CEP83: variants seen among roughly 807,000 people sequenced by gnomAD.
CEP83 encodes centrosomal protein 83.
CEP83 carries 70 observed loss-of-function variants against 101.9 expected under a neutral mutation model. That is an observed-to-expected ratio of 0.69 (90% CI 0.57 to 0.84). The LOEUF (loss-of-function observed/expected upper bound fraction) is 0.84, where lower values mean the gene tolerates loss of function less well. CEP83 is among the 40% of genes least tolerant of loss of function. The pLI is 0.00. For missense variants in CEP83, 715 were observed against 787.2 expected (o/e 0.91, Z 1.10); for synonymous variants, 264 against 267.9 (o/e 0.99, Z 0.14).
At chr12:94,429,790 C>T (rs2065481396) in intron 2 of CEP83, among the ~76,000 whole-genome samples, 1 of 152,166 alleles carries the variant, frequency 6.6e-6, no homozygotes, top group African/African-American at 2.4e-5. Flanking sequence ...ACCACCAGGA[C>T]TAAAATGTGA....
the CEP83 span, among the ~76,000 whole-genome samples, chr12:94,285,407 C>T: frequency 1.3e-5 from 2 of 152,082 alleles, no homozygotes; most frequent in Admixed American, 1.3e-4. Flanking sequence ...AAAGTGGTTG[C>T]GTTGGGTGAT....
intron 11 of CEP83, among the ~76,000 whole-genome samples, chr12:94,353,901 T>C (rs1016908212): frequency 1.3e-5 from 2 of 151,552 alleles, no homozygotes; most frequent in African/African-American, 4.8e-5. Flanking sequence ...AGGAAGTTCA[T>C]TATATAATGG....
chr12:94,314,933 C>T (rs1970429551), intron 14 of CEP83, among the ~76,000 whole-genome samples: 1 of 152,134 alleles, frequency 6.6e-6, no homozygotes, highest in South Asian at 2.1e-4. Flanking sequence ...TATGTATTGT[C>T]ACAGTACTTC....
the CEP83 span, among the ~76,000 whole-genome samples, chr12:94,293,971 C>T: frequency 2.6e-5 from 4 of 152,094 alleles, no homozygotes; most frequent in African/African-American, 9.7e-5. Flanking sequence ...GCTCCAACCT[C>T]ATGACTTAGT....
At chr12:94,446,396 T>C (rs777771127) in intron 1 of CEP83, among the ~76,000 whole-genome samples, 7 of 152,282 alleles carry the variant, frequency 4.6e-5, no homozygotes, top group East Asian at 3.9e-4. Flanking sequence ...TTAAAGTCAG[T>C]TTCCAAGAAC....
chr12:94,376,598 T>C (rs1379575922), intron 7 of CEP83, among the ~76,000 whole-genome samples: 6 of 151,740 alleles, frequency 4.0e-5, no homozygotes, highest in Middle Eastern at 3.4e-3. Flanking sequence ...AGTTTCTGGA[T>C]GGTAATATCG....
chr12:94,313,883 C>T (rs563859483), intron 14 of CEP83, among the ~76,000 whole-genome samples: 78 of 152,092 alleles, frequency 5.1e-4, no homozygotes, highest in African/African-American at 1.9e-3. Flanking sequence ...ATTACAAGCA[C>T]GTTTGTAAGT....
chr12:94,359,392 G>C (rs186497307), intron 11 of CEP83, among the ~76,000 whole-genome samples: 1 of 152,144 alleles, frequency 6.6e-6, no homozygotes, highest in East Asian at 1.9e-4. Flanking sequence ...ACATTAGCTA[G>C]ACTAACTAAA....
chr12:94,439,425 C>A (rs1032570197), intron 1 of CEP83, among the ~76,000 whole-genome samples: 2 of 151,718 alleles, frequency 1.3e-5, no homozygotes, highest in African/African-American at 4.8e-5. Flanking sequence ...AACTAGAAAA[C>A]CTAGAGGAGA....
chr12:94,286,387 C>T, the CEP83 span, among the ~76,000 whole-genome samples: 2 of 152,210 alleles, frequency 1.3e-5, no homozygotes, highest in Non-Finnish European at 2.9e-5. Context: ...AAATCATCCC[C>T]CACCACCCTC....
chr12:94,326,731 T>C (rs1315837117), intron 14 of CEP83, among the ~76,000 whole-genome samples: 3 of 151,962 alleles, frequency 2.0e-5, no homozygotes, highest in African/African-American at 7.3e-5. Context: ...AGGGAGACCA[T>C]CATGTAAAGA....
At chr12:94,356,678 C>T (rs1246778584) in intron 11 of CEP83, among the ~76,000 whole-genome samples, 1 of 152,194 alleles carries the variant, frequency 6.6e-6, no homozygotes, top group African/African-American at 2.4e-5. Flanking sequence ...TCAATATGGA[C>T]CAGGTTCTCC....
rs546817327 is a variant in CEP83, at chr12:94,308,799, G to A, written c.*14C>T. On this transcript the variant is annotated 3_prime_UTR_variant, in exon 17 of 17. Coordinates refer to ENST00000397809, the MANE Select transcript of CEP83 (RefSeq NM_016122.3). ...CAACTTCACCTCTTTTGATCTGCCT[G>A]TTCTCCAAGAACATCATTCTCCGGA... 1.0e-5 allele frequency: 16 copies of A among 1,556,088 alleles called. No individual in the cohort carries two copies. The South Asian group carries it at 1.7e-4, about 16-fold the overall frequency.
intron 6 of CEP83, among the ~76,000 whole-genome samples, chr12:94,391,480 A>C (rs2062530638): frequency 6.6e-6 from 1 of 152,200 alleles, no homozygotes; most frequent in Admixed American, 6.5e-5. Flanking sequence ...TGAAGGAAGC[A>C]CTAAACATGG....
At chr12:94,333,102 T>C (rs1045400511) in intron 13 of CEP83, among the ~76,000 whole-genome samples, 1 of 148,842 alleles carries the variant, frequency 6.7e-6, no homozygotes, top group Non-Finnish European at 1.5e-5. Flanking sequence ...TCCAAGATAG[T>C]TCTAATTCAA....
At chr12:94,431,886 A>G (rs1310635496) in intron 2 of CEP83, among the ~76,000 whole-genome samples, 1 of 152,224 alleles carries the variant, frequency 6.6e-6, no homozygotes, top group East Asian at 1.9e-4. Flanking sequence ...GATTTCTCAA[A>G]AAACTAAAAA....
At chr12:94,340,978 C>A (rs559353589) in intron 11 of CEP83, among the ~76,000 whole-genome samples, 1 of 152,230 alleles carries the variant, frequency 6.6e-6, no homozygotes, top group Non-Finnish European at 1.5e-5. Flanking sequence ...ATCTTTCCCA[C>A]AATTGTGTAA....
chr12:94,399,592 G>T (rs902715585), intron 6 of CEP83, among the ~76,000 whole-genome samples: 1 of 152,092 alleles, frequency 6.6e-6, no homozygotes, highest in African/African-American at 2.4e-5. Context: ...TATTAGCCAG[G>T]TGAGGTAGTA....
chr12:94,355,537 T>C (rs1167932046), intron 11 of CEP83, among the ~76,000 whole-genome samples: 3 of 151,988 alleles, frequency 2.0e-5, no homozygotes, highest in Non-Finnish European at 2.9e-5. Context: ...CCAAAGTTAG[T>C]AGAGAGAACT....
Sources: allele counts gnomAD v4.1 joint callset (sites outside exome capture counted in the v4.1 genomes callset), GRCh38; gene constraint gnomAD v4.1.1; transcripts MANE v1.5; gene names NCBI Gene and HGNC (gene_info 2026-07-23, HGNC 2026-07-21).